ACOT11: variants seen among roughly 807,000 people sequenced by gnomAD.
ACOT11 encodes the protein acyl-CoA thioesterase 11, also known as acyl-coenzyme A thioesterase 11.
Under a neutral mutation model 77.5 loss-of-function variants are expected in ACOT11, and 69 were observed. That is an observed-to-expected ratio of 0.89 (90% CI 0.73 to 1.09). The LOEUF (loss-of-function observed/expected upper bound fraction) is 1.09. Ranked by LOEUF, ACOT11 falls within the 50% of genes least tolerant of loss-of-function variation. The probability of loss-of-function intolerance (pLI) is 0.00; values close to 1 mark genes in which losing one functional copy is unlikely to be tolerated. For missense variants in ACOT11, 766 were observed against 813.7 expected (o/e 0.94, Z 0.71); for synonymous variants, 279 against 313.0 (o/e 0.89, Z 1.15).
Position 54,607,352 on chromosome 1 carries a change from C to T in ACOT11, c.1502+87C>T. ...TCTCCCTCCCAGGGAAGGGCATCAGCCTGGAGCCAGAGCTCTGCTTCCCAT... is the reference window on the plus strand; with the variant it reads ...TCTCCCTCCCAGGGAAGGGCATCAGTCTGGAGCCAGAGCTCTGCTTCCCAT... On this transcript the variant is annotated intron_variant, in intron 14 of 15. Coordinates refer to ENST00000343744, the MANE Select transcript of ACOT11 (RefSeq NM_147161.4). The surrounding 1 kb of genome is among the most constrained non-coding windows in gnomAD (Gnocchi z 4.5). 6.3e-7 allele frequency: 1 copy of T among 1,577,192 alleles called. No individual in the cohort carries two copies.
intron 1 of ACOT11, among the ~76,000 whole-genome samples, chr1:54,555,178 C>G (rs1395993476): frequency 6.6e-6 from 1 of 152,222 alleles, no homozygotes; most frequent in Non-Finnish European, 1.5e-5. Flanking sequence ...TCAGCCTGGT[C>G]TCGAACTCAT....
rs1024902358 is a variant in ACOT11 at position 54,548,305 on chromosome 1, G to A, written c.-5G>A. On this transcript the variant is annotated 5_prime_UTR_variant, in exon 1 of 16. Coordinates refer to ENST00000343744, the MANE Select transcript of ACOT11 (RefSeq NM_147161.4). ...GGGCGCTGCTTTCCCCGGCCACCCG[G>A]CGCGATGATCCAGAATGTCGGAAAT... The A allele has an allele frequency of 1.9e-6, 3 of 1,596,006 alleles. No individual in the cohort carries two copies. In the African/African-American group the frequency reaches 4.0e-5, roughly 21 times the overall value.
chr1:54,623,832 C>G (rs1644254365), intron 15 of ACOT11, among the ~76,000 whole-genome samples: 1 of 152,228 alleles, frequency 6.6e-6, no homozygotes, highest in Admixed American at 6.5e-5. Context: ...AGGCACTAGA[C>G]TGGGTGATCC....
At chr1:54,619,811 T>C in intron 15 of ACOT11, 1 of 1,583,034 alleles carries the variant, frequency 6.3e-7, no homozygotes, top group Non-Finnish European at 8.6e-7. Context: ...TCTCTCCCTC[T>C]GTCTTCTCTA....
Position 54,548,250 on chromosome 1 carries a change from T to G in ACOT11, c.-60T>G. 6.4e-7 allele frequency: 1 copy of G among 1,563,720 alleles called. No individual in the cohort carries two copies. The highest frequency in any genetic ancestry group is 8.7e-7 in the Non-Finnish European group (1 of 1,153,602). On this transcript the variant is annotated 5_prime_UTR_variant, in exon 1 of 16. Coordinates refer to ENST00000343744, the MANE Select transcript of ACOT11 (RefSeq NM_147161.4). ...TTCATTTGGAGTCAGGCCTGGCTGT[T>G]GCTCAGGTGACCAGCTTGTGTCTCT...
chr1:54,551,617 C>T (rs1267388379), intron 1 of ACOT11, among the ~76,000 whole-genome samples: 3 of 152,178 alleles, frequency 2.0e-5, no homozygotes, highest in Non-Finnish European at 4.4e-5. Context: ...GGAACCTCTG[C>T]CCAGCCTCAG....
intron 12 of ACOT11, 57 bp downstream of exon 12, chr1:54,604,486 G>T: frequency 6.6e-7 from 1 of 1,505,014 alleles, no homozygotes; most frequent in Non-Finnish European, 9.2e-7. Context: ...GGTGGCTAAT[G>T]GCAAGCAACA....
downstream of ACOT11, chr1:54,612,562 C>T (rs1483501226): frequency 6.2e-7 from 1 of 1,614,090 alleles, no homozygotes; most frequent in East Asian, 2.2e-5. Flanking sequence ...GGGAAGGTGA[C>T]CCTCTGGGGC....
chr1:54,587,951 G>A (rs951587115), intron 3 of ACOT11, among the ~76,000 whole-genome samples: 1 of 152,082 alleles, frequency 6.6e-6, no homozygotes, highest in Non-Finnish European at 1.5e-5. Context: ...GCAGTGGCTT[G>A]TGTCCAATTC....
intron 16 of ACOT11, among the ~76,000 whole-genome samples, chr1:54,633,285 G>A (rs1049304754): frequency 6.6e-6 from 1 of 152,076 alleles, no homozygotes; most frequent in African/African-American, 2.4e-5. Flanking sequence ...TAGAAAATGG[G>A]CACATAACTC....
chr1:54,590,036 C>T (rs1015190492), intron 3 of ACOT11, among the ~76,000 whole-genome samples: 4 of 150,676 alleles, frequency 2.7e-5, no homozygotes, highest in African/African-American at 7.4e-5. Context: ...TGCAGTGAGC[C>T]GAGATAGTGC....
chr1:54,577,027 A>G (rs1390448734), intron 1 of ACOT11, among the ~76,000 whole-genome samples: 1 of 152,194 alleles, frequency 6.6e-6, no homozygotes, highest in African/African-American at 2.4e-5. Context: ...CTTTCACCAT[A>G]TCTTCCCCTT....
intron 3 of ACOT11, among the ~76,000 whole-genome samples, chr1:54,588,756 G>A (rs59189414): frequency 0.042 from 6,452 of 152,192 alleles, 458 homozygotes; most frequent in African/African-American, 0.15. Flanking sequence ...GAGAGGGTTA[G>A]GGGTACATGC....
At chr1:54,623,201 A>C in intron 15 of ACOT11, 1 of 915,298 alleles carries the variant, frequency 1.1e-6, no homozygotes, top group Non-Finnish European at 1.8e-6. Flanking sequence ...GACTGGTCAG[A>C]GCTGTAAGTG....
chr1:54,576,575 A>T (rs1009579023), intron 1 of ACOT11, among the ~76,000 whole-genome samples: 26 of 150,680 alleles, frequency 1.7e-4, no homozygotes, highest in African/African-American at 6.3e-4. Flanking sequence ...AATGTTAAAG[A>T]TGTTATCTGG....
At position 54,549,145 on chromosome 1, in the gene ACOT11, G is replaced by A. The variant is rs569896471; in HGVS notation, c.33+803G>A. On this transcript the variant is annotated intron_variant, in intron 1 of 15. Transcript: ENST00000343744. ...CTGCACAACTCAGCATCCTCACCGG[G>A]CCCTGTGCATCTTGTCTCCCCTGGC... is the stretch of plus-strand genomic sequence containing the variant. Among the ~76,000 whole-genome samples the A allele has an allele frequency of 1.6e-3, 242 of 152,188 alleles. 2 individuals are homozygous for A. The highest frequency in any genetic ancestry group is 5.7e-3 in the African/African-American group (238 of 41,510).
At chr1:54,605,011 C>A in intron 12 of ACOT11, 65 bp from the exon 13 acceptor site, 1 of 1,524,642 alleles carries the variant, frequency 6.6e-7, no homozygotes, top group Non-Finnish European at 8.9e-7. Flanking sequence ...CCAGTCTCAG[C>A]CTCCAGCATC....
At chr1:54,619,918 C>T (rs1443785696) in intron 15 of ACOT11, 2 of 1,614,060 alleles carry the variant, frequency 1.2e-6, no homozygotes, top group African/African-American at 2.7e-5. Context: ...TACCAGGTGA[C>T]CTCCAAGGCA....
At chr1:54,572,583 A>G (rs1216088908) in intron 1 of ACOT11, among the ~76,000 whole-genome samples, 1 of 152,092 alleles carries the variant, frequency 6.6e-6, no homozygotes, top group African/African-American at 2.4e-5. Flanking sequence ...GGGGGGTCAC[A>G]CGGAAAGGGC....
Sources: gnomAD v4.1 joint callset for allele counts (sites outside exome capture counted in the v4.1 genomes callset) on GRCh38, gnomAD v4.1.1 for gene constraint, Gnocchi (gnomAD v3.1) non-coding constraint, MANE v1.5 for transcripts, NCBI Gene and HGNC (gene_info 2026-07-23, HGNC 2026-07-21) for gene names.